The following FBXL7 variants were observed in gnomAD, a reference collection of about 807,000 sequenced individuals.
FBXL7 encodes the protein F-box and leucine rich repeat protein 7.
Under a neutral mutation model 38.3 loss-of-function variants are expected in FBXL7, and 12 were observed. The ratio of observed to expected loss-of-function variants is 0.31; its 90% CI spans 0.20 to 0.51. The LOEUF (loss-of-function observed/expected upper bound fraction) is 0.51, where lower values mean the gene tolerates loss of function less well. Ranked by LOEUF, FBXL7 falls within the 20% of genes least tolerant of loss-of-function variation. The probability of loss-of-function intolerance (pLI) is 0.98; values close to 1 mark genes in which losing one functional copy is unlikely to be tolerated. For synonymous variants in FBXL7, 297 were observed against 300.9 expected, an observed-to-expected ratio of 0.99 and a Z score of 0.13; for missense variants, 567 against 676.4, an observed-to-expected ratio of 0.84 and a Z score of 1.79.
chr5:15,529,389 T>C (rs1405105566), intron 1 of FBXL7, among the ~76,000 whole-genome samples: 1 of 151,256 alleles, frequency 6.6e-6, no homozygotes, highest in African/African-American at 2.5e-5. Flanking sequence ...TAACCTAACT[T>C]CTTTTTTTTT....
chr5:15,632,564 C>G (rs997727952), intron 2 of FBXL7, among the ~76,000 whole-genome samples: 1 of 152,146 alleles, frequency 6.6e-6, no homozygotes, highest in Non-Finnish European at 1.5e-5. Context: ...ACCGAAAAGA[C>G]ACTCATATGT....
chr5:15,674,034 T>A (rs1036466595), intron 2 of FBXL7, among the ~76,000 whole-genome samples: 1 of 152,244 alleles, frequency 6.6e-6, no homozygotes, highest in African/African-American at 2.4e-5. Flanking sequence ...AAACTAAGTA[T>A]AGGCTTTAGA....
Position 15,571,092 on chromosome 5 carries a change from T to TAA in FBXL7, c.38-44874_38-44873dup, listed in dbSNP as rs397996852. 9.0e-3 allele frequency among the ~76,000 whole-genome samples: 1,161 copies of TAA among 129,220 alleles called. 9 individuals carry two copies. The highest frequency in any genetic ancestry group is 0.017 in the Middle Eastern group (4 of 240). 84.8% of individuals were successfully genotyped at this position (129,220 alleles called of 152,430 possible). The stretch of plus-strand genomic sequence containing the variant: ...GGGCAACAGAGCAAGATTCTGTCTT[T>TAA]AAAAAAAAAAAAAAAAAAGAAAAAA... On this transcript the variant is annotated intron_variant, in intron 1 of 3. Coordinates refer to ENST00000504595, the MANE Select transcript of FBXL7 (RefSeq NM_012304.5).
intron 2 of FBXL7, among the ~76,000 whole-genome samples, chr5:15,699,733 C>G (rs1579388556): frequency 6.6e-6 from 1 of 152,302 alleles, no homozygotes; most frequent in South Asian, 2.1e-4. Flanking sequence ...GTTTCACTAA[C>G]CTGACTGCCA....
At position 15,857,458 on chromosome 5, in the gene FBXL7, CA is replaced by C. The variant is rs368240028; in HGVS notation, c.128-70431del. On this transcript the variant is annotated intron_variant, in intron 2 of 3. Coordinates refer to ENST00000504595, the MANE Select transcript of FBXL7 (RefSeq NM_012304.5). The stretch of plus-strand genomic sequence containing the variant: ...CACATCTCCTGAGAGGCTGAGCCAC[CA>C]TTAGAATTAGGCAATATGGTCCCAG... 9.3e-4 allele frequency among the ~76,000 whole-genome samples: 142 copies of C among 152,272 alleles called. 1 individual carries two copies. In the South Asian group the frequency reaches 0.015, roughly 16 times the overall value.
At chr5:15,923,597 T>A (rs561891051) in intron 2 of FBXL7, among the ~76,000 whole-genome samples, 1 of 152,306 alleles carries the variant, frequency 6.6e-6, no homozygotes, top group African/African-American at 2.4e-5. Context: ...TGTGACAACT[T>A]CTAGGTATGC....
intron 2 of FBXL7, among the ~76,000 whole-genome samples, chr5:15,649,126 A>G (rs1196951394): frequency 6.6e-6 from 1 of 152,010 alleles, no homozygotes; most frequent in Non-Finnish European, 1.5e-5. Flanking sequence ...CCTCCCAAGT[A>G]GCTGGAACTA....
chr5:15,735,117 G>C (rs1382770421), intron 2 of FBXL7, among the ~76,000 whole-genome samples: 1 of 152,142 alleles, frequency 6.6e-6, no homozygotes, highest in Non-Finnish European at 1.5e-5. Flanking sequence ...ATTTTTAGTA[G>C]AAACAGAGTT....
chr5:15,586,578 C>A (rs1455858389), intron 1 of FBXL7, among the ~76,000 whole-genome samples: 1 of 152,060 alleles, frequency 6.6e-6, no homozygotes, highest in Non-Finnish European at 1.5e-5. Flanking sequence ...CCTGGTTGAA[C>A]CAGATCTCTA....
chr5:15,671,120 A>G (rs1742457949), intron 2 of FBXL7, among the ~76,000 whole-genome samples: 1 of 152,122 alleles, frequency 6.6e-6, no homozygotes, highest in Admixed American at 6.5e-5. Flanking sequence ...CCTTTACTCC[A>G]TTTGAACAAT....
intron 2 of FBXL7, among the ~76,000 whole-genome samples, chr5:15,726,274 T>TGGC (rs933973550): frequency 2.6e-5 from 4 of 152,160 alleles, no homozygotes; most frequent in African/African-American, 4.8e-5. Flanking sequence ...AGTTTCTTGC[T>TGGC]GGCCATGGTG....
At position 15,724,229 on chromosome 5, in the gene FBXL7, T is replaced by G. The variant is rs1174428506; in HGVS notation, c.127+108157T>G. 3.9e-5 allele frequency among the ~76,000 whole-genome samples: 6 copies of G among 152,308 alleles called. No homozygotes were observed. The East Asian group carries it at 1.2e-3, about 29-fold the overall frequency. On this transcript the variant is annotated intron_variant, in intron 2 of 3. Transcript: ENST00000504595. ...TTCTTTCATGCTCACAAAGGTGTAA[T>G]CTTATAGTGCTTAAAACTTCCTTTT...
intron 2 of FBXL7, among the ~76,000 whole-genome samples, chr5:15,745,615 A>C (rs1215365832): frequency 6.6e-6 from 1 of 152,226 alleles, no homozygotes; most frequent in African/African-American, 2.4e-5. Flanking sequence ...TAAAGTCTGC[A>C]TATGTCTAGG....
chr5:15,685,213 C>A (rs768433681), intron 2 of FBXL7, among the ~76,000 whole-genome samples: 13 of 152,242 alleles, frequency 8.5e-5, no homozygotes, highest in Non-Finnish European at 1.5e-4. Context: ...TTTCCAAATT[C>A]TTTATTATGT....
At chr5:15,870,420 G>A (rs892361913) in intron 2 of FBXL7, among the ~76,000 whole-genome samples, 1 of 152,078 alleles carries the variant, frequency 6.6e-6, no homozygotes, top group Non-Finnish European at 1.5e-5. Flanking sequence ...GAGGGAGAAT[G>A]GAGAAACAAA....
At chr5:15,538,506 A>G (rs1177531823) in intron 1 of FBXL7, among the ~76,000 whole-genome samples, 1 of 152,214 alleles carries the variant, frequency 6.6e-6, no homozygotes, top group Non-Finnish European at 1.5e-5. Flanking sequence ...TTGTATTGGT[A>G]GGACTGGAGG....
chr5:15,611,731 C>G lies in FBXL7; in HGVS notation c.38-4252C>G, dbSNP rs139077059. Among the ~76,000 whole-genome samples, 278 of 151,838 alleles carry G rather than the reference C, an allele frequency of 1.8e-3. 2 individuals carry two copies. Among genetic ancestry groups the G allele is most frequent in the African/African-American group, 6.5e-3 (270 of 41,380 alleles). ...GGCATGATGGCTCTTGCCTGTAATC[C>G]CAGCACTTTGGGAGGCCAAGGTGGG... On this transcript the variant is annotated intron_variant, in intron 1 of 3. Coordinates refer to ENST00000504595, the MANE Select transcript of FBXL7 (RefSeq NM_012304.5).
intron 2 of FBXL7, among the ~76,000 whole-genome samples, chr5:15,757,541 A>G (rs564692295): frequency 6.9e-6 from 1 of 144,096 alleles, no homozygotes; most frequent in East Asian, 2.0e-4. Flanking sequence ...TTTCTCAGGA[A>G]AAAAAAAAAA....
chr5:15,590,852 C>T (rs1416985003), intron 1 of FBXL7, among the ~76,000 whole-genome samples: 1 of 152,154 alleles, frequency 6.6e-6, no homozygotes, highest in Non-Finnish European at 1.5e-5. Flanking sequence ...TACTGAGTCA[C>T]ATAGCTTTAT....
Sources: allele counts gnomAD v4.1 joint callset (sites outside exome capture counted in the v4.1 genomes callset), GRCh38; gene constraint gnomAD v4.1.1; transcripts MANE v1.5; gene names NCBI Gene and HGNC (gene_info 2026-07-23, HGNC 2026-07-21).